MOB3A: variants seen among roughly 807,000 people sequenced by gnomAD.
MOB3A encodes the protein MOB kinase activator 3A, also known as MOB LAK.
In MOB3A, 17 loss-of-function variants were observed where a neutral mutation model predicts 17.8. The ratio of observed to expected loss-of-function variants is 0.95; its 90% CI spans 0.65 to 1.43. The LOEUF is 1.43. Ranked by LOEUF, MOB3A falls within the 40% of genes most tolerant of loss-of-function variation. The pLI, the probability that MOB3A is intolerant of heterozygous loss-of-function variation, is 0.00. For missense variants in MOB3A, 333 were observed against 310.8 expected (o/e 1.07, Z -0.54); for synonymous variants, 124 against 133.2 (o/e 0.93, Z 0.48).
intron 1 of MOB3A, among the ~76,000 whole-genome samples, chr19:2,087,490 C>A (rs569094310): frequency 1.3e-5 from 2 of 152,096 alleles, no homozygotes; most frequent in Non-Finnish European, 2.9e-5. Flanking sequence ...CATCTCTGTA[C>A]GAAATAGTTA....
At position 2,082,582 on chromosome 19, in the gene MOB3A, C is replaced by T. The variant is rs1312175753; in HGVS notation, c.-120+2593G>A. Reference sequence around the variant, plus strand: ...CCCTGGACTCTGTGGGTGAAGCCACCGCTCTTTCTGCCCCACAACTCCCTA... The same window carrying T: ...CCCTGGACTCTGTGGGTGAAGCCACTGCTCTTTCTGCCCCACAACTCCCTA... On this transcript the variant is annotated intron_variant, in intron 2 of 4. Coordinates refer to ENST00000357066, the MANE Select transcript of MOB3A (RefSeq NM_130807.3). The surrounding 1 kb of genome is among the most constrained non-coding windows in gnomAD (Gnocchi z 4.1). Among the ~76,000 whole-genome samples, 3 of 152,148 alleles carry T rather than the reference C, an allele frequency of 2.0e-5. No homozygotes were observed. Among genetic ancestry groups the T allele is most frequent in the African/African-American group, 4.8e-5 (2 of 41,436 alleles).
At chr19:2,094,999 C>T (rs1418444841) in intron 1 of MOB3A, among the ~76,000 whole-genome samples, 1 of 152,162 alleles carries the variant, frequency 6.6e-6, no homozygotes, top group East Asian at 1.9e-4. Flanking sequence ...GGCGAAACTC[C>T]GTCTCTACTA....
chr19:2,094,849 A>G (rs1273668521), intron 1 of MOB3A, among the ~76,000 whole-genome samples: 1 of 152,240 alleles, frequency 6.6e-6, no homozygotes, highest in Non-Finnish European at 1.5e-5. Context: ...ACTGTTAAGG[A>G]GAAAACGAAG....
At chr19:2,076,727 A>G in intron 4 of MOB3A, 84 bp downstream of exon 4, 1 of 1,421,744 alleles carries the variant, frequency 7.0e-7, no homozygotes, top group Non-Finnish European at 9.7e-7. Flanking sequence ...GCAAGCAGTC[A>G]GGGTCCTGGC....
At chr19:2,075,751 G>C (rs1019318928) in intron 4 of MOB3A, among the ~76,000 whole-genome samples, 1 of 152,096 alleles carries the variant, frequency 6.6e-6, no homozygotes, top group Admixed American at 6.6e-5. Flanking sequence ...CCCTGGGTTC[G>C]TCTCCCGATA....
chr19:2,096,106 T>G (rs1410568971), intron 1 of MOB3A, 120 bp downstream of exon 1: 1 of 152,762 alleles, frequency 6.5e-6, no homozygotes, highest in East Asian at 1.9e-4. Flanking sequence ...GGATCCAGCT[T>G]CCCCGCCGCC....
chr19:2,083,970 C>T (rs1463247122), intron 2 of MOB3A: 2 of 293,184 alleles, frequency 6.8e-6, no homozygotes, highest in Non-Finnish European at 1.4e-5. Context: ...TAGGGTCTCA[C>T]TACATTGCCC....
chr19:2,075,181 A>C (rs566240305), intron 4 of MOB3A, among the ~76,000 whole-genome samples: 116 of 151,956 alleles, frequency 7.6e-4, no homozygotes, highest in African/African-American at 2.8e-3. Flanking sequence ...GGCACGCACC[A>C]CTGTGCCTGG....
intron 2 of MOB3A, among the ~76,000 whole-genome samples, chr19:2,084,767 T>C (rs1172909296): frequency 1.3e-5 from 2 of 152,008 alleles, no homozygotes; most frequent in Non-Finnish European, 2.9e-5. Context: ...ATTTTTGTAC[T>C]TTTAGTAGAG....
intron 3 of MOB3A, among the ~76,000 whole-genome samples, chr19:2,077,555 G>C (rs1482976568): frequency 6.6e-6 from 1 of 152,182 alleles, no homozygotes; most frequent in Non-Finnish European, 1.5e-5. Context: ...CGCCAACGGG[G>C]TGATGATCCT....
intron 1 of MOB3A, among the ~76,000 whole-genome samples, chr19:2,087,261 T>A (rs1224399427): frequency 6.6e-6 from 1 of 152,226 alleles, no homozygotes; most frequent in East Asian, 1.9e-4. Context: ...TTTAACCTTT[T>A]CAGTTACAGT....
rs569370306 is a variant in MOB3A at position 2,086,827 on chromosome 19, T to C, written c.-273-1499A>G. On this transcript the variant is annotated intron_variant, in intron 1 of 4. Transcript: ENST00000357066. The stretch of plus-strand genomic sequence containing the variant: ...TTTTTTTAGAGACAGGGTCTTGCTC[T>C]GTTGCCCAGGCTGGAGTGCAGTAGT... 2.6e-5 allele frequency among the ~76,000 whole-genome samples: 4 copies of C among 152,326 alleles called. No homozygotes were observed. In the East Asian group the frequency reaches 7.7e-4, roughly 29 times the overall value.
At chr19:2,094,228 T>C (rs2017644647) in intron 1 of MOB3A, among the ~76,000 whole-genome samples, 3 of 151,944 alleles carry the variant, frequency 2.0e-5, no homozygotes, top group Admixed American at 6.6e-5. Context: ...TTTGTCTTTT[T>C]AGTAGAGACG....
chr19:2,079,209 C>T (rs181737311), intron 2 of MOB3A, among the ~76,000 whole-genome samples: 133 of 152,358 alleles, frequency 8.7e-4, no homozygotes, highest in African/African-American at 2.5e-3. Flanking sequence ...CCGCAGGGGC[C>T]GCATCTTCCC....
At chr19:2,091,784 G>A (rs2017616821) in intron 1 of MOB3A, among the ~76,000 whole-genome samples, 1 of 151,398 alleles carries the variant, frequency 6.6e-6, no homozygotes, top group South Asian at 2.1e-4. Flanking sequence ...GGATCACAAG[G>A]TCAGGAGTTT....
chr19:2,079,035 C>A (rs1168286338), intron 2 of MOB3A, among the ~76,000 whole-genome samples: 8 of 152,232 alleles, frequency 5.3e-5, no homozygotes, highest in Non-Finnish European at 8.8e-5. Context: ...GCTGGGCTTA[C>A]AGGTGTGAGC....
intron 3 of MOB3A, 84 bp downstream of exon 3, chr19:2,078,056 T>C: frequency 1.5e-6 from 2 of 1,375,876 alleles, no homozygotes; most frequent in Non-Finnish European, 1.9e-6. Flanking sequence ...AGCGCTGGCA[T>C]TACGGGTGTG....
chr19:2,073,472 GGGGTGAT>G, intron 4 of MOB3A, 48 bp from the exon 5 acceptor site: 1 of 1,612,598 alleles, frequency 6.2e-7, no homozygotes, highest in South Asian at 1.1e-5. Context: ...ACTCCTAAAA[GGGGTGAT>G]GCGAACAGCA....
At chr19:2,075,464 T>C (rs1045633125) in intron 4 of MOB3A, among the ~76,000 whole-genome samples, 3 of 151,868 alleles carry the variant, frequency 2.0e-5, no homozygotes, top group African/African-American at 7.3e-5. Flanking sequence ...TGAGACCCCA[T>C]CTCTACACAC....
Sources: allele counts gnomAD v4.1 joint callset (sites outside exome capture counted in the v4.1 genomes callset), GRCh38; gene constraint gnomAD v4.1.1; non-coding constraint Gnocchi (gnomAD v3.1); transcripts MANE v1.5; gene names NCBI Gene and HGNC (gene_info 2026-07-23, HGNC 2026-07-21).